NPTN: variants seen among roughly 807,000 people sequenced by gnomAD.
NPTN encodes the protein neuroplastin.
NPTN carries 5 observed loss-of-function variants against 42.7 expected under a neutral mutation model. The observed-to-expected ratio is 0.12, with a 90% CI of 0.06 to 0.25. NPTN has a LOEUF of 0.25. NPTN is among the 10% of genes least tolerant of loss of function. The probability of loss-of-function intolerance (pLI) is 1.00; values close to 1 mark genes in which losing one functional copy is unlikely to be tolerated. For missense variants in NPTN, 307 were observed against 525.4 expected, an observed-to-expected ratio of 0.58 and a Z score of 4.06; for synonymous variants, 180 against 201.9, an observed-to-expected ratio of 0.89 and a Z score of 0.92.
chr15:73,622,507 A>G (rs1031107853), intron 1 of NPTN, among the ~76,000 whole-genome samples: 4 of 151,720 alleles, frequency 2.6e-5, no homozygotes, highest in Non-Finnish European at 5.9e-5. Context: ...TTTAAAAAAA[A>G]AAAAAAAAAG....
intron 3 of NPTN, among the ~76,000 whole-genome samples, chr15:73,590,215 T>C (rs561305530): frequency 9.9e-5 from 15 of 152,096 alleles, no homozygotes; most frequent in Non-Finnish European, 1.9e-4. Context: ...AAATCGCCTC[T>C]TCAGGCTAAC....
rs542554736 is a variant in NPTN at position 73,577,764 on chromosome 15, G to A, written c.707-3969C>T. 3.9e-5 allele frequency among the ~76,000 whole-genome samples: 6 copies of A among 152,174 alleles called. No homozygotes were observed. The South Asian group carries it at 8.3e-4, about 21-fold the overall frequency. Reference sequence around the variant, plus strand: ...CTGGCCCCACCCAGATCAATAAACTGGCTCATCTGATCCTGTGACCCCCAC... The same window carrying A: ...CTGGCCCCACCCAGATCAATAAACTAGCTCATCTGATCCTGTGACCCCCAC... On this transcript the variant is annotated intron_variant, in intron 4 of 8. Transcript: ENST00000345330.
intron 1 of NPTN, among the ~76,000 whole-genome samples, chr15:73,600,646 G>A (rs1325031397): frequency 1.3e-5 from 2 of 152,152 alleles, no homozygotes; most frequent in African/African-American, 2.4e-5. Context: ...AAAGGTTTTT[G>A]TAGTTACTTA....
At position 73,587,543 on chromosome 15, in the gene NPTN, G is replaced by A. The variant is rs1896378122; in HGVS notation, c.687C>T (p.Asn229=). The change falls in exon 4 of 9, where the codon AAC becomes AAT. Residue 229 remains asparagine, a synonymous_variant. Coordinates refer to ENST00000345330, the MANE Select transcript of NPTN (RefSeq NM_012428.4). ...VYHFVSAPKA[N]ATIEVKAAPD... Reference sequence around the variant, plus strand: ...TTGTACCTTTCACTTCAATGGTGGCGTTTGCTTTAGGAGCGCTGACAAAGT... The same window carrying A: ...TTGTACCTTTCACTTCAATGGTGGCATTTGCTTTAGGAGCGCTGACAAAGT... The A allele has an allele frequency of 6.8e-6, 11 of 1,613,720 alleles. No individual in the cohort carries two copies. The East Asian group carries it at 1.8e-4, about 26-fold the overall frequency.
chr15:73,598,682 G>A (rs1305738503), intron 1 of NPTN, among the ~76,000 whole-genome samples: 1 of 152,182 alleles, frequency 6.6e-6, no homozygotes, highest in Non-Finnish European at 1.5e-5. Context: ...TGGGAGGCCT[G>A]CTGCATAAGC....
intron 1 of NPTN, among the ~76,000 whole-genome samples, chr15:73,619,274 T>C (rs1417186910): frequency 1.3e-5 from 2 of 152,180 alleles, no homozygotes; most frequent in African/African-American, 4.8e-5. Context: ...AACTTTCTGC[T>C]GCTAAAAGCT....
chr15:73,620,690 A>G (rs1180959336), intron 1 of NPTN, among the ~76,000 whole-genome samples: 1 of 152,232 alleles, frequency 6.6e-6, no homozygotes, highest in Non-Finnish European at 1.5e-5. Flanking sequence ...TTTTCCAGGA[A>G]TGTAATTACT....
At chr15:73,605,499 C>A (rs907749568) in intron 1 of NPTN, among the ~76,000 whole-genome samples, 2 of 151,944 alleles carry the variant, frequency 1.3e-5, no homozygotes, top group African/African-American at 4.8e-5. Flanking sequence ...GAGGCCGAGG[C>A]GGGCAGATCA....
intron 4 of NPTN, among the ~76,000 whole-genome samples, chr15:73,580,597 T>TA (rs1491496787): frequency 5.3e-5 from 6 of 114,178 alleles, no homozygotes; most frequent in African/African-American, 8.0e-5. Context: ...GTTATATATG[T>TA]ATATATGTAT....
chr15:73,560,098 A>C lies in NPTN; in HGVS notation c.*965T>G. Reference sequence around the variant, plus strand: ...GCACTTCAATAATTACACAAAACACACAAGTACATGCATCTACAATTACGC... The same window carrying C: ...GCACTTCAATAATTACACAAAACACCCAAGTACATGCATCTACAATTACGC... On this transcript the variant is annotated 3_prime_UTR_variant, in exon 9 of 9. Transcript: ENST00000345330. 1.9e-6 allele frequency: 1 copy of C among 524,718 alleles called. No homozygotes were observed. The highest frequency in any genetic ancestry group is 3.2e-6 in the Non-Finnish European group (1 of 308,844). 32.5% of individuals were successfully genotyped at this position (524,718 alleles called of 1,614,324 possible). A position where few individuals can be genotyped will look rare whatever the true frequency, so the allele number is the denominator to read the frequency against.
At chr15:73,584,387 C>CT (rs1050064020) in intron 4 of NPTN, among the ~76,000 whole-genome samples, 35 of 151,594 alleles carry the variant, frequency 2.3e-4, no homozygotes, top group African/African-American at 8.5e-4. Flanking sequence ...TTTGTGAGCA[C>CT]TTTTTAAAAA....
At chr15:73,567,267 G>A (rs1372277400) in intron 6 of NPTN, 3 of 985,098 alleles carry the variant, frequency 3.0e-6, no homozygotes, top group Non-Finnish European at 3.6e-6. Flanking sequence ...ATGAGCCATG[G>A]GTGTATCTTG....
At position 73,597,298 on chromosome 15, in the gene NPTN, C is replaced by A. The variant is rs892803770; in HGVS notation, c.163G>T (p.Val55Phe). The A allele has an allele frequency of 9.9e-6, 16 of 1,614,040 alleles. No individual in the cohort carries two copies. Among genetic ancestry groups the A allele is most frequent in the Non-Finnish European group, 1.4e-5 (16 of 1,179,996 alleles). The change falls in exon 2 of 9, where the codon GTC (valine) becomes TTC (phenylalanine). Residue 55 changes from valine (V) to phenylalanine (F), a missense_variant. By Grantham distance (50) the Val-to-Phe change is conservative (BLOSUM62 -1). Around this residue, in one of 2 missense-constraint regions of NPTN, gnomAD observed 264 missense variants for 491.1 expected, o/e 0.54. Coordinates refer to ENST00000345330, the MANE Select transcript of NPTN (RefSeq NM_012428.4). This position sits in a 1 kb window ranked among gnomAD's most constrained non-coding sequence, Gnocchi z 6.3. ...GDAFELYCDV[V>F]GSPTPEIQWW... ...TGGATCTCTGGCGTGGGGCTCCCGA[C>A]CACGTCACAGTACAGCTCAAAGGCG...
chr15:73,617,859 C>G (rs775991911), intron 1 of NPTN, among the ~76,000 whole-genome samples: 24 of 152,216 alleles, frequency 1.6e-4, no homozygotes, highest in Non-Finnish European at 2.8e-4. Flanking sequence ...ACAGCAAGAA[C>G]TACTACTTTA....
chr15:73,562,766 C>T (rs936837012), intron 7 of NPTN, among the ~76,000 whole-genome samples: 9 of 152,224 alleles, frequency 5.9e-5, no homozygotes, highest in African/African-American at 2.2e-4. Context: ...GAAAGTATAA[C>T]ACATGGAAAT....
At chr15:73,631,069 C>T (rs1305348968) in intron 1 of NPTN, among the ~76,000 whole-genome samples, 1 of 152,186 alleles carries the variant, frequency 6.6e-6, no homozygotes, top group Non-Finnish European at 1.5e-5. Flanking sequence ...TATCACTGAG[C>T]AGACAGATGA....
rs1313859016 is a variant in NPTN at position 73,560,882 on chromosome 15, A to ATTGT, written c.*177_*180dup. 1 of 152,414 alleles carries ATTGT rather than the reference A, an allele frequency of 6.6e-6. No individual in the cohort carries two copies. Among genetic ancestry groups the ATTGT allele is most frequent in the African/African-American group, 2.4e-5 (1 of 41,408 alleles). 9.4% of individuals were successfully genotyped at this position (152,414 alleles called of 1,614,324 possible). Reference sequence around the variant, plus strand: ...TAGTTTACACCTTCTACACTGAAGCATTGTTTAAAATGTACCTGGCTAGAT... The same window carrying ATTGT: ...TAGTTTACACCTTCTACACTGAAGCATTGTTTGTTTAAAATGTACCTGGCTAGAT... On this transcript the variant is annotated 3_prime_UTR_variant, in exon 9 of 9. Transcript: ENST00000345330.
At chr15:73,604,178 T>TA (rs934407663) in intron 1 of NPTN, among the ~76,000 whole-genome samples, 2 of 151,254 alleles carry the variant, frequency 1.3e-5, no homozygotes, top group Non-Finnish European at 3.0e-5. Context: ...AAGTATGATT[T>TA]AAAAAAAAAC....
At chr15:73,591,809 A>T in intron 3 of NPTN, 157 bp downstream of exon 3, 1 of 592,392 alleles carries the variant, frequency 1.7e-6, no homozygotes, top group Non-Finnish European at 2.9e-6. Flanking sequence ...TCTTTTCTAG[A>T]CTACTGGGCC....
Sources: gnomAD v4.1 joint callset for allele counts (sites outside exome capture counted in the v4.1 genomes callset) on GRCh38, gnomAD v4.1.1 for gene constraint, gnomAD v4.1.1 regional missense constraint, Gnocchi (gnomAD v3.1) non-coding constraint, MANE v1.5 for transcripts, NCBI Gene and HGNC (gene_info 2026-07-23, HGNC 2026-07-21) for gene names.